MAGI2: variants seen among roughly 807,000 people sequenced by gnomAD.
MAGI2 encodes membrane-associated guanylate kinase, WW and PDZ domain-containing protein 2.
Under a neutral mutation model 133.3 loss-of-function variants are expected in MAGI2, and 35 were observed. The observed-to-expected ratio is 0.26, with a 90% CI of 0.20 to 0.35. The LOEUF (loss-of-function observed/expected upper bound fraction) is 0.35. Among genes scored for constraint, MAGI2 ranks in the 10% least tolerant of loss-of-function variants. MAGI2 has a pLI of 1.00. For missense variants in MAGI2, 1,636 were observed against 1,863.4 expected, an observed-to-expected ratio of 0.88 and a Z score of 2.25; for synonymous variants, 729 against 710.6, an observed-to-expected ratio of 1.03 and a Z score of -0.41.
At chr7:79,217,611 C>G (rs1830118807) in intron 1 of MAGI2, among the ~76,000 whole-genome samples, 2 of 151,896 alleles carry the variant, frequency 1.3e-5, no homozygotes, top group African/African-American at 4.8e-5. Context: ...GTAAACCAGG[C>G]AAAGTAGTTC....
chr7:78,227,510 T>G (rs1188032554), intron 10 of MAGI2, among the ~76,000 whole-genome samples: 1 of 152,186 alleles, frequency 6.6e-6, no homozygotes, highest in Non-Finnish European at 1.5e-5. Context: ...TTCCCCCTTC[T>G]CTGTCCATTT....
At chr7:79,012,367 CGGA>C (rs1290020543) in intron 1 of MAGI2, 3 of 152,084 alleles carry the variant, frequency 2.0e-5, no homozygotes, top group Non-Finnish European at 4.4e-5. Context: ...ATCTTTGAGC[CGGA>C]AGTCTTCTCT....
At chr7:79,109,348 G>C (rs1483140337) in intron 1 of MAGI2, among the ~76,000 whole-genome samples, 2 of 152,162 alleles carry the variant, frequency 1.3e-5, no homozygotes, top group Non-Finnish European at 2.9e-5. Context: ...ATGGAAATGA[G>C]GAACTTATTG....
intron 2 of MAGI2, among the ~76,000 whole-genome samples, chr7:78,774,046 C>A (rs1209587736): frequency 6.6e-6 from 1 of 152,134 alleles, no homozygotes; most frequent in African/African-American, 2.4e-5. Context: ...GTATCCCAGG[C>A]AATTATTATT....
intron 4 of MAGI2, among the ~76,000 whole-genome samples, chr7:78,504,547 A>C (rs1794918715): frequency 6.6e-6 from 1 of 152,188 alleles, no homozygotes; most frequent in South Asian, 2.1e-4. Context: ...GCTGAAAGGT[A>C]GTGAGAGGCA....
intron 5 of MAGI2, among the ~76,000 whole-genome samples, chr7:78,494,138 A>G (rs1793879821): frequency 1.3e-5 from 2 of 151,862 alleles, no homozygotes; most frequent in African/African-American, 4.8e-5. Flanking sequence ...CATGCCACAT[A>G]CCTGACTAAT....
At chr7:78,206,198 T>C (rs1829711799) in intron 10 of MAGI2, among the ~76,000 whole-genome samples, 3 of 152,238 alleles carry the variant, frequency 2.0e-5, no homozygotes, top group Admixed American at 2.0e-4. Flanking sequence ...CCAATTCAAA[T>C]AAGAGTTCAA....
At chr7:78,644,618 T>C (rs975521998) in intron 2 of MAGI2, among the ~76,000 whole-genome samples, 1 of 152,028 alleles carries the variant, frequency 6.6e-6, no homozygotes, top group Non-Finnish European at 1.5e-5. Context: ...AAAAACACAA[T>C]ATATCAAAAT....
At chr7:78,139,098 A>C (rs1045370763) in intron 16 of MAGI2, among the ~76,000 whole-genome samples, 2 of 152,232 alleles carry the variant, frequency 1.3e-5, no homozygotes, top group African/African-American at 4.8e-5. Flanking sequence ...ACTAGAAATC[A>C]AAATAAAAGA....
intron 9 of MAGI2, among the ~76,000 whole-genome samples, chr7:78,265,778 G>C (rs371093407): frequency 6.6e-6 from 1 of 152,204 alleles, no homozygotes; most frequent in African/African-American, 2.4e-5. Flanking sequence ...TTTTCAAACA[G>C]CTGTAATTGT....
chr7:78,961,190 T>G (rs1419369360), intron 2 of MAGI2, among the ~76,000 whole-genome samples: 1 of 152,282 alleles, frequency 6.6e-6, no homozygotes, highest in South Asian at 2.1e-4. Flanking sequence ...GCAAACTTTA[T>G]TGAGTAGCTC....
Position 78,893,022 on chromosome 7 carries a change from C to G in MAGI2, c.418+114068G>C, listed in dbSNP as rs924786530. 1.3e-4 allele frequency among the ~76,000 whole-genome samples: 19 copies of G among 151,998 alleles called. No individual in the cohort carries two copies. In the South Asian group the frequency reaches 1.5e-3, roughly 12 times the overall value. On this transcript the variant is annotated intron_variant, in intron 2 of 21. Transcript: ENST00000354212. ...ATCCAGAATCTACAATGAACTCAAA[C>G]AAATTTACAAGAAAAAAACAAACAA...
At chr7:78,093,986 G>GAA (rs970075312) in intron 20 of MAGI2, among the ~76,000 whole-genome samples, 1 of 152,306 alleles carries the variant, frequency 6.6e-6, no homozygotes, top group Non-Finnish European at 1.5e-5. Context: ...GGAGGGAGCA[G>GAA]AAAAATTCAA....
At chr7:78,730,574 A>G (rs1821273784) in intron 2 of MAGI2, among the ~76,000 whole-genome samples, 1 of 152,162 alleles carries the variant, frequency 6.6e-6, no homozygotes, top group South Asian at 2.1e-4. Flanking sequence ...AGAACTTTAG[A>G]AGTCATTGAA....
intron 1 of MAGI2, among the ~76,000 whole-genome samples, chr7:79,224,236 T>C (rs1830669849): frequency 6.6e-6 from 1 of 152,016 alleles, no homozygotes; most frequent in Non-Finnish European, 1.5e-5. Flanking sequence ...ATACCTCAGA[T>C]GAAATGAAAG....
intron 20 of MAGI2, among the ~76,000 whole-genome samples, chr7:78,084,621 C>T (rs899058190): frequency 1.3e-5 from 2 of 152,174 alleles, no homozygotes; most frequent in Admixed American, 6.5e-5. Flanking sequence ...GACCTACATA[C>T]ATTGGTAGTG....
chr7:78,667,633 ATG>A (rs1563324931), intron 2 of MAGI2, among the ~76,000 whole-genome samples: 4 of 150,312 alleles, frequency 2.7e-5, no homozygotes, highest in Non-Finnish European at 4.4e-5. Context: ...GAGTGAGAAC[ATG>A]CAGTGTTTGG....
chr7:78,465,972 G>C (rs540484723), intron 6 of MAGI2, among the ~76,000 whole-genome samples: 4 of 152,110 alleles, frequency 2.6e-5, no homozygotes, highest in Admixed American at 6.6e-5. Context: ...CATTTAAAAG[G>C]GGCTGTCTTA....
intron 1 of MAGI2, among the ~76,000 whole-genome samples, chr7:79,020,468 A>G (rs1809198944): frequency 6.6e-6 from 1 of 152,152 alleles, no homozygotes; most frequent in Non-Finnish European, 1.5e-5. Context: ...CAGAAATTGC[A>G]TAAGAAATGA....
Sources: allele counts gnomAD v4.1 joint callset (sites outside exome capture counted in the v4.1 genomes callset), GRCh38; gene constraint gnomAD v4.1.1; transcripts MANE v1.5; gene names NCBI Gene and HGNC (gene_info 2026-07-23, HGNC 2026-07-21).